MEIS1: variants seen among roughly 807,000 people sequenced by gnomAD.
The protein encoded by MEIS1 is Meis homeobox 1.
MEIS1 carries 5 observed loss-of-function variants against 50.8 expected under a neutral mutation model. The ratio of observed to expected loss-of-function variants is 0.10; its 90% CI spans 0.05 to 0.21. The LOEUF (loss-of-function observed/expected upper bound fraction) is 0.21. MEIS1 is among the 10% of genes least tolerant of loss of function. The pLI is 1.00. For synonymous variants in MEIS1, 176 were observed against 179.3 expected (o/e 0.98, Z 0.15); for missense variants, 318 against 517.3 (o/e 0.61, Z 3.74).
chr2:66,465,038 C>G (rs1050360509), intron 7 of MEIS1, among the ~76,000 whole-genome samples: 1 of 152,132 alleles, frequency 6.6e-6, no homozygotes, highest in Non-Finnish European at 1.5e-5. Context: ...TTGAAGTTGA[C>G]TCTGAGCCCA....
chr2:66,566,541 T>TTATG (rs1372915615), intron 9 of MEIS1, among the ~76,000 whole-genome samples: 1 of 152,110 alleles, frequency 6.6e-6, no homozygotes, highest in African/African-American at 2.4e-5. Flanking sequence ...ATTTTTAATA[T>TTATG]TATGCAGAAC....
intron 9 of MEIS1, among the ~76,000 whole-genome samples, chr2:66,556,895 C>G (rs1481612641): frequency 2.6e-5 from 3 of 115,150 alleles, no homozygotes; most frequent in Non-Finnish European, 3.3e-5. Context: ...GCAGAGATTC[C>G]TATCCTCAGG....
chr2:66,557,517 A>G (rs2284707), intron 9 of MEIS1, among the ~76,000 whole-genome samples: 12 of 151,960 alleles, frequency 7.9e-5, no homozygotes, highest in Non-Finnish European at 1.0e-4. Context: ...CATTTCACCA[A>G]TGTGATCATG....
chr2:66,487,678 T>G (rs1399441210), intron 7 of MEIS1, among the ~76,000 whole-genome samples: 1 of 152,222 alleles, frequency 6.6e-6, no homozygotes, highest in Non-Finnish European at 1.5e-5. Flanking sequence ...TTTGAAGACT[T>G]GCTGTCCTTG....
At chr2:66,452,656 A>G (rs977989119) in intron 6 of MEIS1, among the ~76,000 whole-genome samples, 1 of 151,954 alleles carries the variant, frequency 6.6e-6, no homozygotes, top group Admixed American at 6.5e-5. Context: ...AAAAAGAAAG[A>G]TATTCAGTTG....
At chr2:66,459,795 A>G (rs1353544251) in intron 6 of MEIS1, among the ~76,000 whole-genome samples, 2 of 152,180 alleles carry the variant, frequency 1.3e-5, no homozygotes, top group African/African-American at 2.4e-5. Flanking sequence ...ATGAGTAGGA[A>G]GTTTGGTGGA....
intron 7 of MEIS1, among the ~76,000 whole-genome samples, chr2:66,484,477 A>T (rs1171922822): frequency 2.6e-5 from 4 of 152,088 alleles, no homozygotes; most frequent in Admixed American, 2.6e-4. Context: ...TTCTCAAGGG[A>T]TTATAGGTGG....
intron 6 of MEIS1, among the ~76,000 whole-genome samples, chr2:66,458,150 A>G (rs1405458873): frequency 6.6e-6 from 1 of 152,120 alleles, no homozygotes; most frequent in Non-Finnish European, 1.5e-5. Context: ...GAAGTTTTGA[A>G]GAAAAAAAAA....
At chr2:66,436,250 A>G (rs1345055407) in intron 1 of MEIS1, among the ~76,000 whole-genome samples, 1 of 152,212 alleles carries the variant, frequency 6.6e-6, no homozygotes, top group African/African-American at 2.4e-5. Context: ...TATGTTATTG[A>G]TTATGCTCAT....
intron 3 of MEIS1, 25 bp from the exon 4 acceptor site, chr2:66,440,537 C>A: frequency 6.2e-7 from 1 of 1,604,284 alleles, no homozygotes; most frequent in Non-Finnish European, 8.5e-7. Flanking sequence ...CCTCCCTCTC[C>A]CCTCTCCTTC....
At chr2:66,508,226 T>C (rs566470124) in intron 7 of MEIS1, among the ~76,000 whole-genome samples, 1 of 152,324 alleles carries the variant, frequency 6.6e-6, no homozygotes, top group South Asian at 2.1e-4. Flanking sequence ...CCTTGAAATC[T>C]GACAGGCAAT....
At chr2:66,545,245 A>G (rs1378838002) in intron 8 of MEIS1, among the ~76,000 whole-genome samples, 1 of 152,206 alleles carries the variant, frequency 6.6e-6, no homozygotes, top group African/African-American at 2.4e-5. Context: ...AATCACTGCA[A>G]GTGATTTCTG....
At chr2:66,561,758 T>C (rs1376235427) in intron 9 of MEIS1, among the ~76,000 whole-genome samples, 7 of 152,208 alleles carry the variant, frequency 4.6e-5, no homozygotes, top group African/African-American at 1.7e-4. Flanking sequence ...TCTGTCTAGT[T>C]AGGAACCTTC....
At chr2:66,537,960 T>G (rs1031523122) in intron 8 of MEIS1, among the ~76,000 whole-genome samples, 9 of 152,226 alleles carry the variant, frequency 5.9e-5, no homozygotes, top group Non-Finnish European at 1.5e-5. Context: ...GTGTGCCATG[T>G]TTTTGTTGTG....
chr2:66,519,096 C>T (rs1674046923), intron 8 of MEIS1, among the ~76,000 whole-genome samples: 1 of 152,132 alleles, frequency 6.6e-6, no homozygotes, highest in Non-Finnish European at 1.5e-5. Context: ...ATCTTTTAAT[C>T]CCCTAAGTAG....
At chr2:66,518,722 T>A (rs191774890) in intron 8 of MEIS1, among the ~76,000 whole-genome samples, 166 of 152,334 alleles carry the variant, frequency 1.1e-3, no homozygotes, top group Non-Finnish European at 1.7e-3. Context: ...TGTGTGTATA[T>A]TTTTTTAACG....
chr2:66,546,338 G>A (rs115843808), intron 8 of MEIS1, among the ~76,000 whole-genome samples: 160 of 152,256 alleles, frequency 1.1e-3, no homozygotes, highest in African/African-American at 3.7e-3. Context: ...GGTAGGAAGC[G>A]GGTGAGAAGA....
chr2:66,524,162 T>C (rs1368745691), intron 8 of MEIS1, among the ~76,000 whole-genome samples: 1 of 152,216 alleles, frequency 6.6e-6, no homozygotes, highest in African/African-American at 2.4e-5. Flanking sequence ...CTGTTTACCT[T>C]CTTGTGCTGT....
chr2:66,554,957 A>C (rs531644707), intron 9 of MEIS1, among the ~76,000 whole-genome samples: 37 of 152,340 alleles, frequency 2.4e-4, no homozygotes, highest in African/African-American at 8.9e-4. Flanking sequence ...AAGATAAATC[A>C]GTTGTTTTTA....
Sources: gnomAD v4.1 joint callset for allele counts (sites outside exome capture counted in the v4.1 genomes callset) on GRCh38, gnomAD v4.1.1 for gene constraint, MANE v1.5 for transcripts, NCBI Gene and HGNC (gene_info 2026-07-23, HGNC 2026-07-21) for gene names.